Variants in CDK12 observed in about 807,000 individuals in gnomAD.
CDK12 encodes cyclin dependent kinase 12.
CDK12 carries 17 observed loss-of-function variants against 133.8 expected under a neutral mutation model. The observed-to-expected ratio is 0.13, with a 90% CI of 0.09 to 0.19. The LOEUF (loss-of-function observed/expected upper bound fraction) is 0.19. CDK12 is among the 10% of genes least tolerant of loss of function. The pLI, the probability that CDK12 is intolerant of heterozygous loss-of-function variation, is 1.00. For missense variants in CDK12, 1,508 were observed against 1,818.7 expected, an observed-to-expected ratio of 0.83 and a Z score of 3.11; for synonymous variants, 694 against 683.6, an observed-to-expected ratio of 1.02 and a Z score of -0.24.
chr17:39,528,338 G>A (rs1340214292), intron 13 of CDK12, among the ~76,000 whole-genome samples: 1 of 150,164 alleles, frequency 6.7e-6, no homozygotes, highest in East Asian at 2.0e-4. Flanking sequence ...AAGTTTTTTT[G>A]TTTGTTTGTT....
intron 6 of CDK12, among the ~76,000 whole-genome samples, chr17:39,506,664 AC>A (rs1174772179): frequency 1.3e-5 from 2 of 152,136 alleles, no homozygotes; most frequent in Non-Finnish European, 2.9e-5. Context: ...TGGTTAATTA[AC>A]CAAGGGGTCC....
At chr17:39,480,777 G>T (rs967031653) in intron 2 of CDK12, among the ~76,000 whole-genome samples, 1 of 152,094 alleles carries the variant, frequency 6.6e-6, no homozygotes, top group Non-Finnish European at 1.5e-5. Context: ...ACTAGCTCAG[G>T]TATCAAATGC....
chr17:39,520,032 A>G lies in CDK12; in HGVS notation c.3040A>G (p.Thr1014Ala). Residue 1014 changes from threonine (T) to alanine (A), a missense_variant, in exon 11 of 14, where the codon ACC becomes GCC. Physicochemically the swap from Thr to Ala is moderately conservative, Grantham distance 58. This residue lies in a region of CDK12 where 399 missense variants were observed against 469.6 expected (regional missense o/e 0.85). Coordinates refer to ENST00000447079, the MANE Select transcript of CDK12 (RefSeq NM_016507.4). The stretch of plus-strand genomic sequence containing the variant: ...TAGTAAGCGGTGCACAGCTGAACAG[A>G]CCCTACAGAGCGACTTCCTTAAAGA... ...DPSKRCTAEQ[T>A]LQSDFLKDVE... 9 of 1,614,018 alleles carry G rather than the reference A, an allele frequency of 5.6e-6. No homozygotes were observed. Among genetic ancestry groups the G allele is most frequent in the Non-Finnish European group, 6.8e-6 (8 of 1,179,986 alleles).
chr17:39,471,892 A>G, intron 2 of CDK12, 129 bp downstream of exon 2: 3 of 847,186 alleles, frequency 3.5e-6, no homozygotes, highest in Non-Finnish European at 5.4e-6. Context: ...TCAGTGGGAA[A>G]GTCTGTAATT....
chr17:39,527,347 A>G (rs2054556299), intron 13 of CDK12, among the ~76,000 whole-genome samples: 1 of 152,224 alleles, frequency 6.6e-6, no homozygotes, highest in African/African-American at 2.4e-5. Context: ...TGATGCCTCT[A>G]CAGTGGCTCA....
intron 3 of CDK12, among the ~76,000 whole-genome samples, chr17:39,564,056 CCCTTT>C (rs1177745549): frequency 6.6e-6 from 1 of 152,192 alleles, no homozygotes; most frequent in Non-Finnish European, 1.5e-5. Flanking sequence ...TCTGTACTCG[CCCTTT>C]AGAAAGCAAA....
chr17:39,557,896 A>G (rs1042234731), intron 3 of CDK12, among the ~76,000 whole-genome samples: 3 of 152,146 alleles, frequency 2.0e-5, no homozygotes, highest in Non-Finnish European at 2.9e-5. Flanking sequence ...TTGGTAATTC[A>G]CTTAACCTCT....
At position 39,471,713 on chromosome 17, in the gene CDK12, G is replaced by A. The variant is rs1224963497; in HGVS notation, c.1881G>A (p.Leu627=). ...AAIPHLKTST[L]PPLPLPPLLP... ...TTCCACACCTGAAAACTTCAACGTT[G>A]CCTCCTTTGCCCCTCCCACCCTTAT... The change falls in exon 2 of 14, where the codon TTG becomes TTA. Residue 627 remains leucine, a synonymous_variant. Transcript: ENST00000447079. 3 of 1,614,080 alleles carry A rather than the reference G, an allele frequency of 1.9e-6. No individual in the cohort carries two copies. The highest frequency in any genetic ancestry group is 2.5e-6 in the Non-Finnish European group (3 of 1,180,018).
At chr17:39,563,399 C>CTT (rs200795581) in intron 3 of CDK12, among the ~76,000 whole-genome samples, 129 of 150,314 alleles carry the variant, frequency 8.6e-4, no homozygotes, top group African/African-American at 2.9e-3. Context: ...TATTCTCTCT[C>CTT]TCTCTCTCTT....
chr17:39,461,881 A>AC lies in CDK12; in HGVS notation c.-185dup, dbSNP rs1053390188. The stretch of plus-strand genomic sequence containing the variant: ...CTCTCATTTCTTCCCTCGCTCCTTC[A>AC]CCCCCCACCTCATGTAGAAGGGTGC... On this transcript the variant is annotated 5_prime_UTR_variant, in exon 1 of 14. Transcript: ENST00000447079. 209 of 590,062 alleles carry AC rather than the reference A, an allele frequency of 3.5e-4. 1 individual carries two copies. Among genetic ancestry groups the AC allele is most frequent in the Middle Eastern group, 3.2e-3 (7 of 2,206 alleles). The allele number at this position is 590,062 out of a possible 1,614,324, so 36.6% of individuals were successfully genotyped here. A position where few individuals can be genotyped will look rare whatever the true frequency, so the allele number is the denominator to read the frequency against.
chr17:39,552,502 C>T (rs2055993490), intron 2 of CDK12, among the ~76,000 whole-genome samples: 1 of 152,162 alleles, frequency 6.6e-6, no homozygotes, highest in South Asian at 2.1e-4. Flanking sequence ...CTCTGGAACA[C>T]ACAGCAGTGG....
rs763386543 is a variant in CDK12 at position 39,530,681 on chromosome 17, C to G, written c.3838C>G (p.Pro1280Ala). ...PGPPPPPPPP[P>A]LVEGDLSSAP... ...ACCTCCACCGCCGCCACCTCCACCC[C>G]CTCTGGTTGAAGGCGATCTTTCCAG... Residue 1280 changes from proline to alanine, a missense_variant, in exon 14 of 14, where the codon CCT becomes GCT. Pro to Ala is a conservative substitution (Grantham distance 27). This residue lies in a region of CDK12 where 399 missense variants were observed against 469.6 expected (regional missense o/e 0.85). Coordinates refer to ENST00000447079, the MANE Select transcript of CDK12 (RefSeq NM_016507.4). 5.6e-6 allele frequency: 9 copies of G among 1,613,666 alleles called. No individual in the cohort carries two copies. In the East Asian group the frequency reaches 8.9e-5, roughly 16 times the overall value.
intron 13 of CDK12, among the ~76,000 whole-genome samples, chr17:39,527,830 A>G (rs569617154): frequency 6.6e-6 from 1 of 151,948 alleles, no homozygotes; most frequent in African/African-American, 2.4e-5. Context: ...TACAGGCTTG[A>G]GCCACTACCC....
Position 39,482,991 on chromosome 17 carries a change from C to T in CDK12, c.1932-7566C>T, listed in dbSNP as rs559120680. Among the ~76,000 whole-genome samples, 5 of 150,244 alleles carry T rather than the reference C, an allele frequency of 3.3e-5. No individual in the cohort carries two copies. In the South Asian group the frequency reaches 1.0e-3, roughly 31 times the overall value. On this transcript the variant is annotated intron_variant, in intron 2 of 13. Transcript: ENST00000447079. ...ACAGTGGCATGATCTCGGCTCACTGCAACCTTCGCCTCCTGGATTTAAGTG... is the reference window on the plus strand; with the variant it reads ...ACAGTGGCATGATCTCGGCTCACTGTAACCTTCGCCTCCTGGATTTAAGTG...
intron 10 of CDK12, among the ~76,000 whole-genome samples, chr17:39,518,705 C>T (rs931558605): frequency 9.2e-5 from 14 of 151,904 alleles, no homozygotes; most frequent in African/African-American, 2.9e-4. Context: ...ATTACAGGCA[C>T]CCGCCACCAT....
intron 1 of CDK12, 102 bp from the exon 2 acceptor site, chr17:39,470,777 C>A: frequency 1.0e-6 from 1 of 1,003,484 alleles, no homozygotes; most frequent in Non-Finnish European, 1.4e-6. Flanking sequence ...ATCTATTTTA[C>A]AATTGATAAG....
At chr17:39,487,208 ATATTG>A (rs1259232307) in intron 2 of CDK12, among the ~76,000 whole-genome samples, 1 of 152,156 alleles carries the variant, frequency 6.6e-6, no homozygotes, top group Non-Finnish European at 1.5e-5. Flanking sequence ...AAACTAACCT[ATATTG>A]TATTGTTCTG....
At position 39,526,329 on chromosome 17, in the gene CDK12, G is replaced by A. The variant is rs2054495984; in HGVS notation, c.3760+13G>A. ...GAGGAGGCAGCAGGTAAACAGACCG[G>A]TCATGAATCTCATTGAGCTCAGGTG... On this transcript the variant is annotated intron_variant, in intron 13 of 13. Transcript: ENST00000447079. 2.6e-6 allele frequency: 4 copies of A among 1,561,430 alleles called. No individual in the cohort carries two copies. The East Asian group carries it at 9.2e-5, about 36-fold the overall frequency.
chr17:39,471,508 C>T lies in CDK12; in HGVS notation c.1676C>T (p.Ala559Val), dbSNP rs1384217114. 1 of 1,613,668 alleles carries T rather than the reference C, an allele frequency of 6.2e-7. No homozygotes were observed. ...PPLPPLPPIP[A>V]LPQQPPLPPS... ...TTGCCACCTTTGCCTCCAATACCAG[C>T]TCTTCCACAGCAACCACCTCTGCCT... Residue 559 changes from alanine (A) to valine (V), a missense_variant, in exon 2 of 14, where the codon GCT becomes GTT. By Grantham distance (64) the Ala-to-Val change is moderately conservative. This residue lies in a region of CDK12 where 347 missense variants were observed against 330.8 expected (regional missense o/e 1.05). Transcript: ENST00000447079.
Sources: allele counts gnomAD v4.1 joint callset (sites outside exome capture counted in the v4.1 genomes callset), GRCh38; gene constraint gnomAD v4.1.1; regional missense constraint gnomAD v4.1.1; transcripts MANE v1.5; gene names NCBI Gene and HGNC (gene_info 2026-07-23, HGNC 2026-07-21).